NTM: variants seen among roughly 807,000 people sequenced by gnomAD.
NTM encodes the protein neurotrimin.
Under a neutral mutation model 42.1 loss-of-function variants are expected in NTM, and 13 were observed. The observed-to-expected ratio is 0.31, with a 90% CI of 0.20 to 0.49. The LOEUF (loss-of-function observed/expected upper bound fraction) is 0.49, where lower values mean the gene tolerates loss of function less well. Among genes scored for constraint, NTM ranks in the 20% least tolerant of loss-of-function variants. The probability of loss-of-function intolerance (pLI) is 0.99; values close to 1 mark genes in which losing one functional copy is unlikely to be tolerated. For synonymous variants in NTM, 187 were observed against 179.2 expected (o/e 1.04, Z -0.35); for missense variants, 373 against 452.8 (o/e 0.82, Z 1.60).
intron 4 of NTM, among the ~76,000 whole-genome samples, chr11:132,246,492 C>T (rs1185473978): frequency 6.6e-6 from 1 of 152,220 alleles, no homozygotes; most frequent in Non-Finnish European, 1.5e-5. Flanking sequence ...CAGAACAAAA[C>T]CCTTTTATTC....
chr11:132,282,118 A>T (rs371814298), intron 4 of NTM, among the ~76,000 whole-genome samples: 1 of 152,224 alleles, frequency 6.6e-6, no homozygotes, highest in Admixed American at 6.5e-5. Context: ...TGGAATAAGT[A>T]GCTATTGACA....
At chr11:132,314,803 G>A in intron 7 of NTM, 100 bp downstream of exon 7, 2 of 1,419,760 alleles carry the variant, frequency 1.4e-6, no homozygotes, top group East Asian at 2.5e-5. Flanking sequence ...AGGTTAGCAG[G>A]GTATCAGTGG....
intron 2 of NTM, among the ~76,000 whole-genome samples, chr11:132,014,765 G>A (rs1324324530): frequency 1.1e-5 from 1 of 88,486 alleles, no homozygotes; most frequent in Non-Finnish European, 2.4e-5. Flanking sequence ...TTGCTGTTGA[G>A]TTAAGTTCCT....
At chr11:131,370,925 A>G (rs1941072938) in intron 1 of NTM, 37 bp downstream of exon 1, 2 of 1,611,712 alleles carry the variant, frequency 1.2e-6, no homozygotes, top group Non-Finnish European at 8.5e-7. Context: ...CGGTAGACCC[A>G]GGAATTGTAC....
rs1021989076 is a variant in NTM, at chr11:132,211,942, T to C, written c.401-80T>C. On this transcript the variant is annotated intron_variant, in intron 3 of 8. Coordinates refer to ENST00000683400, the MANE Select transcript of NTM (RefSeq NM_001352005.2). ...AGTCCATATATTTTACTCTCTGGAC[T>C]GTTCTGCCAACTACCATGTTAAGAC... The C allele has an allele frequency of 5.6e-6, 8 of 1,427,594 alleles. No individual in the cohort carries two copies. In the South Asian group the frequency reaches 9.7e-5, roughly 17 times the overall value. 88.4% of individuals were successfully genotyped at this position (1,427,594 alleles called of 1,614,324 possible). A position where few individuals can be genotyped will look rare whatever the true frequency, so the allele number is the denominator to read the frequency against.
chr11:131,835,830 A>C (rs1408627382), intron 1 of NTM, among the ~76,000 whole-genome samples: 1 of 152,216 alleles, frequency 6.6e-6, no homozygotes, highest in African/African-American at 2.4e-5. Context: ...ATAAACAGTA[A>C]AATGGATATA....
At chr11:131,549,131 A>G (rs2054315611) in intron 1 of NTM, among the ~76,000 whole-genome samples, 1 of 152,178 alleles carries the variant, frequency 6.6e-6, no homozygotes, top group African/African-American at 2.4e-5. Flanking sequence ...AAACATAGAA[A>G]CAGTTTAGAG....
chr11:132,079,650 T>C (rs2058778625), intron 2 of NTM, among the ~76,000 whole-genome samples: 1 of 152,328 alleles, frequency 6.6e-6, no homozygotes, highest in African/African-American at 2.4e-5. Context: ...AACTCCTCTT[T>C]TGCATGGCAG....
intron 1 of NTM, among the ~76,000 whole-genome samples, chr11:131,491,971 T>A (rs915831603): frequency 4.6e-5 from 7 of 152,228 alleles, no homozygotes; most frequent in Non-Finnish European, 1.0e-4. Flanking sequence ...TTAACGCATA[T>A]GATCTGCCTA....
chr11:131,718,750 C>T (rs1465639310), intron 1 of NTM, among the ~76,000 whole-genome samples: 2 of 152,124 alleles, frequency 1.3e-5, no homozygotes, highest in Non-Finnish European at 2.9e-5. Flanking sequence ...TGTTCTTGAT[C>T]TTCCAGGGCT....
chr11:131,824,922 G>A (rs529566), intron 1 of NTM, among the ~76,000 whole-genome samples: 37,813 of 152,148 alleles, frequency 0.25, 4,906 homozygotes, highest in South Asian at 0.38. Context: ...AGCTGACAGA[G>A]CAGAAGGAAC....
At chr11:131,559,274 CAT>C (rs2136982079) in intron 1 of NTM, among the ~76,000 whole-genome samples, 1 of 152,364 alleles carries the variant, frequency 6.6e-6, no homozygotes, top group African/African-American at 2.4e-5. Flanking sequence ...TTTAGTAAAA[CAT>C]ATGGCTATTC....
chr11:131,857,290 C>A (rs1247533935), intron 1 of NTM, among the ~76,000 whole-genome samples: 6 of 152,132 alleles, frequency 3.9e-5, no homozygotes, highest in African/African-American at 1.4e-4. Flanking sequence ...TTATACTATA[C>A]CCCTGAGCTA....
chr11:131,792,310 C>T (rs73023411), intron 1 of NTM, among the ~76,000 whole-genome samples: 2 of 152,112 alleles, frequency 1.3e-5, no homozygotes, highest in African/African-American at 2.4e-5. Flanking sequence ...GCAACTGGTT[C>T]GTGTCCTGGA....
At chr11:131,754,693 T>G (rs2135737076) in intron 1 of NTM, among the ~76,000 whole-genome samples, 1 of 152,258 alleles carries the variant, frequency 6.6e-6, no homozygotes, top group East Asian at 1.9e-4. Flanking sequence ...GGTATTTGTC[T>G]AAGACAGATA....
intron 3 of NTM, among the ~76,000 whole-genome samples, chr11:132,194,935 A>G (rs965944989): frequency 1.4e-5 from 2 of 146,706 alleles, no homozygotes; most frequent in African/African-American, 5.0e-5. Context: ...TGATTCTTGT[A>G]CCTCAACCTC....
intron 2 of NTM, among the ~76,000 whole-genome samples, chr11:132,122,809 G>T (rs1489843159): frequency 6.6e-6 from 1 of 152,142 alleles, no homozygotes; most frequent in Non-Finnish European, 1.5e-5. Flanking sequence ...AGTTTGCCCT[G>T]TTCAGAATTT....
intron 1 of NTM, among the ~76,000 whole-genome samples, chr11:131,619,186 A>G (rs776006423): frequency 6.6e-6 from 1 of 152,226 alleles, no homozygotes; most frequent in South Asian, 2.1e-4. Flanking sequence ...CAAGGGAAGC[A>G]TGCTGGGCAT....
At chr11:132,297,869 A>G (rs2140084527) in intron 4 of NTM, among the ~76,000 whole-genome samples, 1 of 152,286 alleles carries the variant, frequency 6.6e-6, no homozygotes, top group African/African-American at 2.4e-5. Context: ...GAAAACACAC[A>G]CCAATGCACG....
Sources: gnomAD v4.1 joint callset for allele counts (sites outside exome capture counted in the v4.1 genomes callset) on GRCh38, gnomAD v4.1.1 for gene constraint, MANE v1.5 for transcripts, NCBI Gene and HGNC (gene_info 2026-07-23, HGNC 2026-07-21) for gene names.